The following UTRN variants were observed in gnomAD, a reference collection of about 807,000 sequenced individuals.
UTRN encodes the protein dystrophin-related protein 1.
UTRN carries 283 observed loss-of-function variants against 463.9 expected under a neutral mutation model. That is an observed-to-expected ratio of 0.61 (90% confidence interval 0.55 to 0.67). UTRN has a LOEUF of 0.67. Ranked by LOEUF, UTRN falls within the 30% of genes least tolerant of loss-of-function variation. The pLI, the probability that UTRN is intolerant of heterozygous loss-of-function variation, is 0.00. For missense variants in UTRN, 3,922 were observed against 4,084.3 expected, an observed-to-expected ratio of 0.96 and a Z score of 1.08; for synonymous variants, 1,442 against 1,431.5, an observed-to-expected ratio of 1.01 and a Z score of -0.17.
chr6:144,535,201 C>T (rs1797418617), intron 43 of UTRN, among the ~76,000 whole-genome samples: 1 of 152,204 alleles, frequency 6.6e-6, no homozygotes, highest in African/African-American at 2.4e-5. Context: ...GTGCCTCAGC[C>T]TCCTCAGTAG....
At chr6:144,730,820 A>G (rs1180857720) in intron 54 of UTRN, among the ~76,000 whole-genome samples, 4 of 151,424 alleles carry the variant, frequency 2.6e-5, no homozygotes, top group African/African-American at 9.7e-5. Context: ...AAATAATTGC[A>G]AGTAGTAGAA....
At chr6:144,679,444 C>T (rs1465374943) in intron 52 of UTRN, among the ~76,000 whole-genome samples, 1 of 152,040 alleles carries the variant, frequency 6.6e-6, no homozygotes, top group African/African-American at 2.4e-5. Context: ...TTGTTTTTTG[C>T]CTTGTACCAA....
intron 2 of UTRN, among the ~76,000 whole-genome samples, chr6:144,364,351 A>T (rs1409223078): frequency 1.3e-5 from 2 of 151,962 alleles, no homozygotes; most frequent in African/African-American, 4.8e-5. Flanking sequence ...TGTCTCCCTT[A>T]TGTTTCCCCC....
In UTRN at chr6:144,824,568, TTATTTATATATATA is replaced by T. The variant is rs1223659417; in HGVS notation, c.9495-2776_9495-2763del. Among the ~76,000 whole-genome samples the T allele has an allele frequency of 2.3e-3, 159 of 69,008 alleles. 18 individuals carry two copies. The highest frequency in any genetic ancestry group is 9.3e-3 in the East Asian group (17 of 1,824). 45.3% of individuals were successfully genotyped at this position (69,008 alleles called of 152,430 possible). On this transcript the variant is annotated intron_variant, in intron 66 of 74. Coordinates refer to ENST00000367545, the MANE Select transcript of UTRN (RefSeq NM_007124.3). ...TATGTATATATATTAATATAGCATT[TTATTTATATATATA>T]TATATATATATATATATATATATAT...
intron 62 of UTRN, among the ~76,000 whole-genome samples, 163 bp from the exon 63 acceptor site, chr6:144,793,671 A>G (rs1431793978): frequency 6.6e-6 from 1 of 152,224 alleles, no homozygotes; most frequent in Admixed American, 6.5e-5. Flanking sequence ...GAATATTAAG[A>G]TCAGAATATT....
At chr6:144,318,583 C>G (rs1775428292) in intron 2 of UTRN, among the ~76,000 whole-genome samples, 2 of 152,216 alleles carry the variant, frequency 1.3e-5, no homozygotes, top group African/African-American at 2.4e-5. Flanking sequence ...CATGCCTCAG[C>G]CTCCCGAGTA....
intron 2 of UTRN, among the ~76,000 whole-genome samples, chr6:144,385,790 C>A (rs944260741): frequency 7.2e-5 from 11 of 151,752 alleles, no homozygotes; most frequent in African/African-American, 9.7e-5. Context: ...CTCAGTGCAA[C>A]CTCCGCCTCT....
intron 51 of UTRN, chr6:144,583,412 A>G (rs1802167414): frequency 8.0e-6 from 5 of 624,854 alleles, no homozygotes; most frequent in Non-Finnish European, 1.2e-5. Context: ...CTGACAAATC[A>G]TTGTCCAGTG....
At chr6:144,690,072 C>CTTTTTTTTTTTT (rs1428641511) in intron 52 of UTRN, among the ~76,000 whole-genome samples, 1 of 35,658 alleles carries the variant, frequency 2.8e-5, no homozygotes, top group African/African-American at 1.2e-4. Context: ...CCAAAAGTTT[C>CTTTTTTTTTTTT]TGTTTTTTTT....
At chr6:144,701,922 A>G (rs1207011351) in intron 53 of UTRN, among the ~76,000 whole-genome samples, 2 of 152,174 alleles carry the variant, frequency 1.3e-5, no homozygotes, top group Non-Finnish European at 2.9e-5. Flanking sequence ...AAAGGAAAAC[A>G]CTGTTGATGT....
chr6:144,788,091 T>TA (rs1159534955), intron 61 of UTRN, among the ~76,000 whole-genome samples: 2 of 152,200 alleles, frequency 1.3e-5, no homozygotes, highest in Non-Finnish European at 2.9e-5. Context: ...GTTTTAAAGA[T>TA]AAAAAAACAT....
intron 33 of UTRN, among the ~76,000 whole-genome samples, chr6:144,494,717 A>G (rs1460902117): frequency 6.6e-6 from 1 of 152,034 alleles, no homozygotes; most frequent in Non-Finnish European, 1.5e-5. Flanking sequence ...GAGTGTGGAC[A>G]CAAAGGTTCT....
intron 9 of UTRN, among the ~76,000 whole-genome samples, chr6:144,434,144 C>T (rs1786279366): frequency 6.6e-6 from 1 of 152,250 alleles, no homozygotes; most frequent in Admixed American, 6.5e-5. Context: ...AGCTGGAGAC[C>T]AGCCCGGCCA....
chr6:144,717,284 G>C (rs995554233), intron 53 of UTRN, among the ~76,000 whole-genome samples: 23 of 152,222 alleles, frequency 1.5e-4, no homozygotes, highest in Non-Finnish European at 2.6e-4. Context: ...TCTCCACAAA[G>C]AGGAAGAGGA....
intron 21 of UTRN, among the ~76,000 whole-genome samples, 195 bp downstream of exon 21, chr6:144,459,549 C>G (rs907244724): frequency 6.6e-6 from 1 of 152,076 alleles, no homozygotes; most frequent in African/African-American, 2.4e-5. Flanking sequence ...TGTAAACATA[C>G]AAGCAAGTTT....
chr6:144,811,034 T>A (rs1778559571), intron 65 of UTRN, among the ~76,000 whole-genome samples: 1 of 152,168 alleles, frequency 6.6e-6, no homozygotes, highest in Non-Finnish European at 1.5e-5. Context: ...ATGAGAAGAA[T>A]CATATTTTCA....
At chr6:144,604,126 GGCAGTAGAAAC>G (rs1804564692) in intron 51 of UTRN, among the ~76,000 whole-genome samples, 1 of 152,104 alleles carries the variant, frequency 6.6e-6, no homozygotes, top group Non-Finnish European at 1.5e-5. Flanking sequence ...TTCACATCTA[GGCAGTAGAAAC>G]AGTAAGTCAT....
chr6:144,436,182 C>T (rs374417345), intron 10 of UTRN, 44 bp downstream of exon 10: 351 of 1,572,612 alleles, frequency 2.2e-4, no homozygotes, highest in Non-Finnish European at 2.8e-4. Context: ...CCCCACGGGA[C>T]CTGAGCCTTA....
At chr6:144,505,716 G>A (rs1022575762) in intron 34 of UTRN, among the ~76,000 whole-genome samples, 1 of 152,196 alleles carries the variant, frequency 6.6e-6, no homozygotes, top group Non-Finnish European at 1.5e-5. Flanking sequence ...GTGCTGAGAA[G>A]AATGTATATT....
Sources: gnomAD v4.1 joint callset for allele counts (sites outside exome capture counted in the v4.1 genomes callset) on GRCh38, gnomAD v4.1.1 for gene constraint, MANE v1.5 for transcripts, NCBI Gene and HGNC (gene_info 2026-07-23, HGNC 2026-07-21) for gene names.